The following AFG3L2 variants were observed in gnomAD, a reference collection of about 807,000 sequenced individuals.
The protein encoded by AFG3L2 is AFG3 like matrix AAA peptidase subunit 2, also known as mitochondrial inner membrane m-AAA protease component AFG3L2.
In AFG3L2, 54 loss-of-function variants were observed where a neutral mutation model predicts 94.5. The observed-to-expected ratio is 0.57, with a 90% CI of 0.46 to 0.72. The LOEUF (loss-of-function observed/expected upper bound fraction) is 0.72. Among genes scored for constraint, AFG3L2 ranks in the 30% least tolerant of loss-of-function variants. The pLI, the probability that AFG3L2 is intolerant of heterozygous loss-of-function variation, is 0.00. For missense variants in AFG3L2, 754 were observed against 994.9 expected, an observed-to-expected ratio of 0.76 and a Z score of 3.26; for synonymous variants, 377 against 365.5, an observed-to-expected ratio of 1.03 and a Z score of -0.36.
intron 15 of AFG3L2, among the ~76,000 whole-genome samples, chr18:12,339,443 T>C (rs1351742146): frequency 6.7e-6 from 1 of 149,280 alleles, no homozygotes; most frequent in Non-Finnish European, 1.5e-5. Flanking sequence ...TCCCAGCTAC[T>C]CAAGAGGCTG....
At chr18:12,356,507 G>C (rs371382097) in intron 9 of AFG3L2, among the ~76,000 whole-genome samples, 187 bp downstream of exon 9, 1 of 152,202 alleles carries the variant, frequency 6.6e-6, no homozygotes, top group South Asian at 2.1e-4. Flanking sequence ...TAGCTGGTGC[G>C]AGGGAAGGTG....
chr18:12,376,837 GC>G (rs1281169639), intron 1 of AFG3L2, 131 bp downstream of exon 1: 4 of 614,898 alleles, frequency 6.5e-6, no homozygotes, highest in Non-Finnish European at 9.7e-6. Flanking sequence ...AGCGCAGGGC[GC>G]CCAGGCCCTC....
At chr18:12,351,546 TTTG>T (rs1908317942) in intron 10 of AFG3L2, 133 bp from the exon 11 acceptor site, 5 of 842,768 alleles carry the variant, frequency 5.9e-6, no homozygotes, top group East Asian at 2.7e-5. Context: ...TCTAGTGTTT[TTTG>T]TTTTTTTTTT....
intron 9 of AFG3L2, among the ~76,000 whole-genome samples, chr18:12,354,132 A>ACCCCCCCCC (rs1555672008): frequency 1.8e-5 from 1 of 55,842 alleles, no homozygotes; most frequent in Non-Finnish European, 3.4e-5. Context: ...GCCCACTCCC[A>ACCCCCCCCC]CCCCCCCCCC....
At chr18:12,350,043 G>T (rs1908264445) in intron 12 of AFG3L2, among the ~76,000 whole-genome samples, 1 of 150,858 alleles carries the variant, frequency 6.6e-6, no homozygotes, top group South Asian at 2.1e-4. Flanking sequence ...ATGGAATCTT[G>T]CTCTCTCATC....
At chr18:12,351,798 G>A (rs549378317) in intron 10 of AFG3L2, among the ~76,000 whole-genome samples, 2 of 152,006 alleles carry the variant, frequency 1.3e-5, no homozygotes, top group Non-Finnish European at 2.9e-5. Context: ...CCACCCGCCT[G>A]GGCCTCCCAA....
Position 12,329,744 on chromosome 18 carries a change from T to C in AFG3L2, c.2215A>G (p.Asn739Asp). 1 of 1,614,220 alleles carries C rather than the reference T, an allele frequency of 6.2e-7. No individual in the cohort carries two copies. The highest frequency in any genetic ancestry group is 8.5e-7 in the Non-Finnish European group (1 of 1,180,032). Residue 739 changes from asparagine (N) to aspartate (D), a missense_variant, in exon 17 of 17, where the codon AAT (asparagine) becomes GAT (aspartate). Physicochemically the swap from Asn to Asp is conservative, Grantham distance 23 (BLOSUM62 1). Transcript: ENST00000269143. ...GGGCCCAAAAGTTCAACCATATCAT[T>C]CTTATCTAATACTTCTTTTTCTAAC... is the stretch of plus-strand genomic sequence containing the variant. ...LLLEKEVLDK[N>D]DMVELLGPRP...
chr18:12,371,791 T>C (rs934036457), intron 1 of AFG3L2, 100 bp from the exon 2 acceptor site: 29 of 954,048 alleles, frequency 3.0e-5, no homozygotes, highest in Non-Finnish European at 4.6e-5. Context: ...GTCTCTCTCT[T>C]CCACAGGTGG....
chr18:12,370,054 CAAAAAAAAAAAAA>C (rs796293157), intron 3 of AFG3L2, among the ~76,000 whole-genome samples: 10 of 36,006 alleles, frequency 2.8e-4, no homozygotes, highest in Non-Finnish European at 4.3e-4. Context: ...GACTCTGTCT[CAAAAAAAAAAAAA>C]AAAAAAAAAA....
chr18:12,362,573 G>T (rs938815243), intron 6 of AFG3L2, among the ~76,000 whole-genome samples: 2 of 152,184 alleles, frequency 1.3e-5, no homozygotes, highest in African/African-American at 4.8e-5. Flanking sequence ...ACAATGGTAT[G>T]AATTTCAACA....
At chr18:12,368,486 CCA>C (rs1384560542) in intron 3 of AFG3L2, among the ~76,000 whole-genome samples, 1 of 152,184 alleles carries the variant, frequency 6.6e-6, no homozygotes, top group Admixed American at 6.5e-5. Flanking sequence ...AAAAACACAC[CCA>C]CAGTTGGTAT....
chr18:12,372,860 T>G (rs1173417809), intron 1 of AFG3L2, among the ~76,000 whole-genome samples: 3 of 152,162 alleles, frequency 2.0e-5, no homozygotes, highest in African/African-American at 7.2e-5. Context: ...ACATTAGTAG[T>G]TGCCTAGAGT....
intron 12 of AFG3L2, 147 bp downstream of exon 12, chr18:12,350,938 C>T (rs1364741340): frequency 1.4e-5 from 15 of 1,074,098 alleles, no homozygotes; most frequent in Middle Eastern, 3.1e-4. Flanking sequence ...TTAAGTGAGA[C>T]CCTGTCTCAA....
intron 6 of AFG3L2, among the ~76,000 whole-genome samples, chr18:12,362,540 A>T (rs537698352): frequency 6.6e-6 from 1 of 152,222 alleles, no homozygotes; most frequent in African/African-American, 2.4e-5. Flanking sequence ...ATAAAAGAGA[A>T]ATACAAAGAA....
intron 7 of AFG3L2, among the ~76,000 whole-genome samples, chr18:12,359,603 G>A (rs1013712488): frequency 6.6e-5 from 10 of 152,110 alleles, no homozygotes; most frequent in Admixed American, 6.6e-4. Context: ...GCTGGGCATG[G>A]TGGTGGAAGC....
At position 12,351,155 on chromosome 18, in the gene AFG3L2, T is replaced by C. The variant is rs1908303393; in HGVS notation, c.1482A>G (p.Leu494=). The stretch of plus-strand genomic sequence containing the variant: ...CCTTCTCCAGGGTACTGTCCAGTTT[T>C]AGCGGTCGGAGATGAACTTTGAAAA... ...ASIFKVHLRP[L]KLDSTLEKDK... Residue 494 remains leucine, a synonymous_variant, in exon 12 of 17, where the codon CTA becomes CTG. Coordinates refer to ENST00000269143, the MANE Select transcript of AFG3L2 (RefSeq NM_006796.3). 6.2e-7 allele frequency: 1 copy of C among 1,614,162 alleles called. No homozygotes were observed. Among genetic ancestry groups the C allele is most frequent in the Non-Finnish European group, 8.5e-7 (1 of 1,180,032 alleles).
chr18:12,376,318 C>A (rs1036824510), intron 1 of AFG3L2, among the ~76,000 whole-genome samples: 2 of 152,210 alleles, frequency 1.3e-5, no homozygotes, highest in Non-Finnish European at 2.9e-5. Flanking sequence ...AGACTGATCA[C>A]GGCCATGGTT....
At chr18:12,359,653 C>T (rs935118593) in intron 7 of AFG3L2, among the ~76,000 whole-genome samples, 3 of 151,864 alleles carry the variant, frequency 2.0e-5, no homozygotes, top group African/African-American at 7.3e-5. Context: ...GCAGGAGAAT[C>T]GCGTGAACTG....
At position 12,356,265 on chromosome 18, in the gene AFG3L2, C is replaced by T. The variant is rs546337543; in HGVS notation, c.1164+429G>A. On this transcript the variant is annotated intron_variant, in intron 9 of 16. Transcript: ENST00000269143. ...CGCCTGGGTTCAAGAGATTCTCCTG[C>T]CTCAGCCTCCGAAATAGCTGGGATT... Among the ~76,000 whole-genome samples, 3 of 152,042 alleles carry T rather than the reference C, an allele frequency of 2.0e-5. No individual in the cohort carries two copies. The South Asian group carries it at 6.2e-4, about 32-fold the overall frequency.
Sources: gnomAD v4.1 joint callset for allele counts (sites outside exome capture counted in the v4.1 genomes callset) on GRCh38, gnomAD v4.1.1 for gene constraint, MANE v1.5 for transcripts, NCBI Gene and HGNC (gene_info 2026-07-23, HGNC 2026-07-21) for gene names.